Variants in OSBPL10 observed in about 807,000 individuals in gnomAD.
OSBPL10 encodes oxysterol binding protein like 10, also known as oxysterol-binding protein-related protein 10.
OSBPL10 carries 49 observed loss-of-function variants against 81.7 expected under a neutral mutation model. That is an observed-to-expected ratio of 0.60 (90% CI 0.48 to 0.76). The LOEUF (loss-of-function observed/expected upper bound fraction) is 0.76, where lower values mean the gene tolerates loss of function less well. Among genes scored for constraint, OSBPL10 ranks in the 30% least tolerant of loss-of-function variants. The probability of loss-of-function intolerance (pLI) is 0.00; values close to 1 mark genes in which losing one functional copy is unlikely to be tolerated. For missense variants in OSBPL10, 923 were observed against 987.8 expected, an observed-to-expected ratio of 0.93 and a Z score of 0.88; for synonymous variants, 419 against 383.6, an observed-to-expected ratio of 1.09 and a Z score of -1.08.
At chr3:31,859,846 A>G (rs1323610374) in intron 3 of OSBPL10, among the ~76,000 whole-genome samples, 1 of 152,184 alleles carries the variant, frequency 6.6e-6, no homozygotes, top group African/African-American at 2.4e-5. Context: ...TTGTAGTATA[A>G]TCACATTTCT....
In OSBPL10 at chr3:31,923,419, G is replaced by T. The variant is rs539698167; in HGVS notation, c.282-43589C>A. On this transcript the variant is annotated intron_variant, in intron 1 of 11. Transcript: ENST00000396556. ...TTAAATGAGAAGGCACCAGAGGATC[G>T]TAACGAGGAAATAAATGCATCAGAC... 1.4e-3 allele frequency among the ~76,000 whole-genome samples: 209 copies of T among 152,238 alleles called. 1 individual carries two copies. Among genetic ancestry groups the T allele is most frequent in the African/African-American group, 4.2e-3 (176 of 41,528 alleles).
chr3:31,864,866 G>A (rs767945046), intron 3 of OSBPL10, among the ~76,000 whole-genome samples: 15 of 152,060 alleles, frequency 9.9e-5, no homozygotes, highest in Admixed American at 5.9e-4. Context: ...CACTAAAGCC[G>A]CGTGTGAGAT....
At chr3:31,769,135 A>G (rs1698283107) in intron 4 of OSBPL10, among the ~76,000 whole-genome samples, 1 of 152,262 alleles carries the variant, frequency 6.6e-6, no homozygotes, top group Middle Eastern at 3.4e-3. Context: ...CAAAACATGC[A>G]AGCATGAAAT....
chr3:31,918,689 C>T (rs984789356), intron 1 of OSBPL10, among the ~76,000 whole-genome samples: 1 of 152,094 alleles, frequency 6.6e-6, no homozygotes, highest in African/African-American at 2.4e-5. Flanking sequence ...CCAGGTGAGA[C>T]CATGGCAACA....
At chr3:31,755,915 T>C (rs1041192076) in intron 4 of OSBPL10, among the ~76,000 whole-genome samples, 18 of 152,202 alleles carry the variant, frequency 1.2e-4, no homozygotes, top group African/African-American at 4.1e-4. Context: ...CTTTCTGTCA[T>C]TTCTTCACCT....
In OSBPL10 at chr3:31,808,687, T is replaced by C. The variant is rs149190727; in HGVS notation, c.729+21353A>G. Among the ~76,000 whole-genome samples, 311 of 152,364 alleles carry C rather than the reference T, an allele frequency of 2.0e-3. 2 individuals are homozygous for C. Among genetic ancestry groups the C allele is most frequent in the Middle Eastern group, 6.8e-3 (2 of 294 alleles). ...AAAGGCACTTGAAAACAATTCTACATTCCTTTCCGATATTCCTAACTAAAT... is the reference window on the plus strand; with the variant it reads ...AAAGGCACTTGAAAACAATTCTACACTCCTTTCCGATATTCCTAACTAAAT... On this transcript the variant is annotated intron_variant, in intron 4 of 11. Coordinates refer to ENST00000396556, the MANE Select transcript of OSBPL10 (RefSeq NM_017784.5).
At chr3:31,880,194 G>C (rs1022279329) in intron 1 of OSBPL10, among the ~76,000 whole-genome samples, 5 of 152,192 alleles carry the variant, frequency 3.3e-5, no homozygotes, top group African/African-American at 1.2e-4. Flanking sequence ...GAATTCACAG[G>C]AACAGTTGAA....
At chr3:32,063,202 C>T (rs12496558) in intron 1 of OSBPL10, among the ~76,000 whole-genome samples, 17,561 of 92,162 alleles carry the variant, frequency 0.19, 7,251 homozygotes, top group East Asian at 0.83. Flanking sequence ...GTTACATTCC[C>T]CCTGGAGGAG....
intron 4 of OSBPL10, among the ~76,000 whole-genome samples, chr3:31,768,831 C>T (rs969412614): frequency 2.6e-5 from 4 of 152,170 alleles, no homozygotes; most frequent in African/African-American, 9.7e-5. Flanking sequence ...AATCAAGCTC[C>T]ATTTATTTCA....
chr3:31,811,876 G>A (rs946224228), intron 4 of OSBPL10, among the ~76,000 whole-genome samples: 2 of 152,116 alleles, frequency 1.3e-5, no homozygotes, highest in Non-Finnish European at 2.9e-5. Flanking sequence ...ACAGATTTAC[G>A]TGTGTCTTCT....
At position 31,986,615 on chromosome 3, in the gene OSBPL10, C is replaced by T. The variant is rs549062136; in HGVS notation, n.298+59876G>A. ...AAAAAAAAGTTTATATTTTTTTATA[C>T]GAAAAAATACAAATATACAAATAAA... is the stretch of plus-strand genomic sequence containing the variant. On this transcript the variant is annotated intron_variant and non_coding_transcript_variant, in intron 2 of 3. Transcript: ENST00000479173. Among the ~76,000 whole-genome samples, 98 of 151,960 alleles carry T rather than the reference C, an allele frequency of 6.4e-4. 2 individuals are homozygous for T. In the South Asian group the frequency reaches 0.018, roughly 28 times the overall value.
At chr3:31,861,285 G>A (rs1207201415) in intron 3 of OSBPL10, among the ~76,000 whole-genome samples, 1 of 152,074 alleles carries the variant, frequency 6.6e-6, no homozygotes, top group African/African-American at 2.4e-5. Flanking sequence ...ATTCACAGAT[G>A]CCCAAGTCCC....
intron 4 of OSBPL10, among the ~76,000 whole-genome samples, chr3:31,759,823 G>A (rs1244879592): frequency 6.6e-6 from 1 of 151,914 alleles, no homozygotes; most frequent in East Asian, 1.9e-4. Flanking sequence ...GCAGTGGCAC[G>A]ATCTCGGCTT....
chr3:31,907,153 T>C (rs1281073267), intron 1 of OSBPL10, among the ~76,000 whole-genome samples: 1 of 152,128 alleles, frequency 6.6e-6, no homozygotes, highest in Admixed American at 6.5e-5. Context: ...AGCAAGCCAA[T>C]GGCTTTTGAG....
At chr3:31,868,067 A>G (rs922633889) in intron 3 of OSBPL10, among the ~76,000 whole-genome samples, 1 of 152,086 alleles carries the variant, frequency 6.6e-6, no homozygotes, top group Non-Finnish European at 1.5e-5. Flanking sequence ...AGAAAAAAAA[A>G]AAAGACGGGC....
At chr3:31,726,864 G>C (rs905984650) in intron 6 of OSBPL10, among the ~76,000 whole-genome samples, 8 of 146,670 alleles carry the variant, frequency 5.5e-5, no homozygotes, top group Non-Finnish European at 1.2e-4. Context: ...TATTTGCTGA[G>C]ACTGGATCTC....
chr3:31,720,039 AAAG>A (rs1355529833), intron 6 of OSBPL10, among the ~76,000 whole-genome samples: 27 of 146,026 alleles, frequency 1.8e-4, no homozygotes, highest in African/African-American at 6.6e-4. Flanking sequence ...AAAAAAAGTT[AAAG>A]AACATATATA....
At chr3:31,951,721 A>T (rs922383178) in intron 1 of OSBPL10, among the ~76,000 whole-genome samples, 2 of 150,908 alleles carry the variant, frequency 1.3e-5, no homozygotes, top group African/African-American at 4.8e-5. Context: ...TTTAAACTAT[A>T]TAATTATATA....
At chr3:31,738,771 C>T (rs1332008609) in intron 5 of OSBPL10, among the ~76,000 whole-genome samples, 1 of 152,202 alleles carries the variant, frequency 6.6e-6, no homozygotes, top group African/African-American at 2.4e-5. Flanking sequence ...CTACGCTATG[C>T]ACCATGTGCC....
Sources: allele counts gnomAD v4.1 joint callset (sites outside exome capture counted in the v4.1 genomes callset), GRCh38; gene constraint gnomAD v4.1.1; transcripts MANE v1.5; gene names NCBI Gene and HGNC (gene_info 2026-07-23, HGNC 2026-07-21).